The following NLRP5 variants were observed in gnomAD, a reference collection of about 807,000 sequenced individuals.
NLRP5 encodes the protein NLR family pyrin domain containing 5, also known as NACHT, LRR and PYD domains-containing protein 5.
In NLRP5, 93 loss-of-function variants were observed where a neutral mutation model predicts 113.1. The observed-to-expected ratio is 0.82, with a 90% CI of 0.70 to 0.98. The LOEUF (loss-of-function observed/expected upper bound fraction) is 0.98, where lower values mean the gene tolerates loss of function less well. Among genes scored for constraint, NLRP5 ranks in the 50% least tolerant of loss-of-function variants. The pLI is 0.00. For synonymous variants in NLRP5, 751 were observed against 600.7 expected (o/e 1.25, Z -3.66); for missense variants, 1,808 against 1,514.3 (o/e 1.19, Z -3.22).
At chr19:56,008,919 C>T in intron 3 of NLRP5, 66 bp downstream of exon 3, 2 of 1,384,478 alleles carry the variant, frequency 1.4e-6, no homozygotes, top group Non-Finnish European at 2.0e-6. Context: ...GTTTGCATCT[C>T]TAGGCATTAG....
At chr19:56,050,706 A>G (rs553753851) in intron 12 of NLRP5, 118 bp downstream of exon 12, 3 of 975,438 alleles carry the variant, frequency 3.1e-6, no homozygotes, top group African/African-American at 3.3e-5. Context: ...GTGAGCTGAC[A>G]CTCATTTTTC....
chr19:55,989,624 G>A, the NLRP5 span, among the ~76,000 whole-genome samples: 14 of 152,060 alleles, frequency 9.2e-5, no homozygotes, highest in Non-Finnish European at 5.9e-5. Context: ...CCCTGCCCCC[G>A]TAGTGTCTCT....
the NLRP5 span, among the ~76,000 whole-genome samples, chr19:55,992,191 A>T: frequency 6.6e-6 from 1 of 152,174 alleles, no homozygotes; most frequent in Non-Finnish European, 1.5e-5. Flanking sequence ...CCCACAAAAG[A>T]CATGATCTCA....
Position 56,019,398 on chromosome 19 carries a change from G to A in NLRP5, c.622G>A (p.Glu208Lys), listed in dbSNP as rs1213550698. ...CACAGCAGCAGAGACAGAAGAACAA[G>A]GTGAGGAAAATAGATGTATTCCTTG... is the stretch of plus-strand genomic sequence containing the variant. The change falls in exon 5 of 15, where the codon GAA (glutamate) becomes AAA (lysine). Residue 208 changes from glutamate to lysine, a missense_variant and splice_region_variant. Glu to Lys is a moderately conservative substitution (Grantham distance 56). Transcript: ENST00000390649. 1.2e-6 allele frequency: 2 copies of A among 1,613,758 alleles called. No individual in the cohort carries two copies. Among genetic ancestry groups the A allele is most frequent in the African/African-American group, 1.3e-5 (1 of 75,016 alleles).
chr19:56,018,961 CTT>C (rs1982509267), intron 4 of NLRP5, among the ~76,000 whole-genome samples: 1 of 152,012 alleles, frequency 6.6e-6, no homozygotes, highest in South Asian at 2.1e-4. Flanking sequence ...CCCTGGCTAA[CTT>C]TTTGTATTTT....
chr19:56,060,822 A>G (rs752209001), intron 14 of NLRP5, among the ~76,000 whole-genome samples: 10 of 152,104 alleles, frequency 6.6e-5, no homozygotes, highest in Non-Finnish European at 1.2e-4. Context: ...ATACTGTGAC[A>G]CTGGAGATTT....
intron 11 of NLRP5, among the ~76,000 whole-genome samples, chr19:56,043,542 C>CCT (rs1983599289): frequency 3.2e-5 from 3 of 92,920 alleles, no homozygotes; most frequent in East Asian, 4.8e-4. Flanking sequence ...CTCTGCTATT[C>CCT]TTTTTTTTTT....
rs1982523108 is a variant in NLRP5, at chr19:56,019,217, TG to T, written c.566-123del. On this transcript the variant is annotated intron_variant, in intron 4 of 14. Coordinates refer to ENST00000390649, the MANE Select transcript of NLRP5 (RefSeq NM_153447.4). ...GCACTCTGTCTTCTAGCTGAGACAG[TG>T]GTTGCCATGTTTTCAACTGGCCAGA... 23 of 1,068,436 alleles carry T rather than the reference TG, an allele frequency of 2.2e-5. 1 individual carries two copies. The South Asian group carries it at 3.4e-4, about 16-fold the overall frequency. The allele number at this position is 1,068,436 out of a possible 1,614,324, so 66.2% of individuals were successfully genotyped here.
intron 7 of NLRP5, 143 bp downstream of exon 7, chr19:56,028,652 A>G: frequency 1.2e-6 from 1 of 829,100 alleles, no homozygotes; most frequent in South Asian, 1.7e-5. Flanking sequence ...CAGCTGGCTA[A>G]AATGCCAGGA....
In NLRP5 at chr19:56,053,690, A is replaced by G. The variant is rs1439703150; in HGVS notation, c.3181A>G (p.Ile1061Val). 1 of 1,613,682 alleles carries G rather than the reference A, an allele frequency of 6.2e-7. No homozygotes were observed. The highest frequency in any genetic ancestry group is 1.7e-5 in the Admixed American group (1 of 59,992). Reference sequence around the variant, plus strand: ...GTGCTGTGAGAGTCTGTCCTGTGTGATCTCGAGGAGCAGACACCTGAAGAG... The same window carrying G: ...GTGCTGTGAGAGTCTGTCCTGTGTGGTCTCGAGGAGCAGACACCTGAAGAG... Residue 1061 changes from isoleucine (I) to valine (V), a missense_variant, in exon 13 of 15, where the codon ATC becomes GTC. Transcript: ENST00000390649.
the NLRP5 span, among the ~76,000 whole-genome samples, chr19:55,993,912 A>G: frequency 6.6e-6 from 1 of 151,792 alleles, no homozygotes; most frequent in African/African-American, 2.4e-5. Context: ...GGTAGATTAC[A>G]TATCTTAGCT....
intron 6 of NLRP5, among the ~76,000 whole-genome samples, chr19:56,022,423 C>G (rs1221966837): frequency 6.6e-6 from 1 of 151,974 alleles, no homozygotes; most frequent in African/African-American, 2.4e-5. Flanking sequence ...GGCAGGGGGT[C>G]TCGCTATGTT....
At chr19:55,997,648 A>G (rs956704893), upstream of NLRP5, among the ~76,000 whole-genome samples, 2 of 152,148 alleles carry the variant, frequency 1.3e-5, no homozygotes, top group Admixed American at 6.5e-5. Context: ...CCTAGCCAAC[A>G]TGGTAAAACC....
intron 11 of NLRP5, among the ~76,000 whole-genome samples, chr19:56,047,502 C>A (rs565224715): frequency 1.5e-3 from 234 of 152,156 alleles, no homozygotes; most frequent in African/African-American, 5.5e-3. Flanking sequence ...CATTCAGGAG[C>A]AGGTTATTTA....
At chr19:55,988,022 C>A in the NLRP5 span, 2 of 780,044 alleles carry the variant, frequency 2.6e-6, no homozygotes, top group South Asian at 3.1e-5. Flanking sequence ...TCCCCTGAAA[C>A]AGAGCAACCC....
chr19:56,010,909 T>C (rs941389486), intron 3 of NLRP5, among the ~76,000 whole-genome samples: 2 of 151,716 alleles, frequency 1.3e-5, no homozygotes, highest in African/African-American at 2.4e-5. Flanking sequence ...CCCAGCACTT[T>C]GGGAGGCTGA....
intron 13 of NLRP5, among the ~76,000 whole-genome samples, chr19:56,055,165 T>C (rs1984086021): frequency 6.6e-6 from 1 of 152,010 alleles, no homozygotes; most frequent in Non-Finnish European, 1.5e-5. Flanking sequence ...CTTTTTTTTG[T>C]ATGTTTAGCA....
At chr19:55,997,277 A>G (rs1448213907), upstream of NLRP5, among the ~76,000 whole-genome samples, 1 of 151,932 alleles carries the variant, frequency 6.6e-6, no homozygotes, top group Non-Finnish European at 1.5e-5. Flanking sequence ...CTGCTGATGA[A>G]CCACCCTTGC....
intron 2 of NLRP5, among the ~76,000 whole-genome samples, chr19:56,007,797 G>A (rs1981981851): frequency 6.6e-6 from 1 of 151,198 alleles, no homozygotes; most frequent in African/African-American, 2.5e-5. Context: ...GATAAATAAA[G>A]GTGGCTTGGA....
Sources: allele counts gnomAD v4.1 joint callset (sites outside exome capture counted in the v4.1 genomes callset), GRCh38; gene constraint gnomAD v4.1.1; transcripts MANE v1.5; gene names NCBI Gene and HGNC (gene_info 2026-07-23, HGNC 2026-07-21).